ARRB1: variants seen among roughly 807,000 people sequenced by gnomAD.
ARRB1 encodes arrestin beta 1.
A neutral mutation model predicts 56.8 loss-of-function variants in ARRB1; 21 were observed. The ratio of observed to expected loss-of-function variants is 0.37; its 90% CI spans 0.26 to 0.53. The LOEUF (loss-of-function observed/expected upper bound fraction) is 0.53, where lower values mean the gene tolerates loss of function less well. ARRB1 is among the 20% of genes least tolerant of loss of function. ARRB1 has a pLI of 0.88. For missense variants in ARRB1, 424 were observed against 553.7 expected, an observed-to-expected ratio of 0.77 and a Z score of 2.35; for synonymous variants, 210 against 218.6, an observed-to-expected ratio of 0.96 and a Z score of 0.35.
intron 10 of ARRB1, chr11:75,275,032 T>G (rs964793515): frequency 1.5e-4 from 23 of 150,658 alleles, no homozygotes; most frequent in African/African-American, 5.6e-4. Flanking sequence ...GCCCAGGAGT[T>G]CGAGGCTGGC....
At chr11:75,320,153 A>G (rs1001525775) in intron 1 of ARRB1, among the ~76,000 whole-genome samples, 6 of 152,086 alleles carry the variant, frequency 3.9e-5, no homozygotes, top group African/African-American at 1.4e-4. Context: ...CCCATCCTGA[A>G]GGATTTGCCT....
chr11:75,343,108 G>T (rs1947715731), intron 1 of ARRB1, among the ~76,000 whole-genome samples: 1 of 152,178 alleles, frequency 6.6e-6, no homozygotes, highest in South Asian at 2.1e-4. Context: ...AGGTGCTGGG[G>T]ACAAGCAGAT....
chr11:75,272,837 G>A (rs1946100616), intron 12 of ARRB1, 58 bp downstream of exon 12: 9 of 1,573,264 alleles, frequency 5.7e-6, no homozygotes, highest in Non-Finnish European at 7.0e-6. Flanking sequence ...GGGGCCTGTG[G>A]GCACCTGGGA....
At chr11:75,344,314 C>T (rs1007550823) in intron 1 of ARRB1, among the ~76,000 whole-genome samples, 1 of 152,180 alleles carries the variant, frequency 6.6e-6, no homozygotes, top group East Asian at 1.9e-4. Flanking sequence ...AGACTTTGGC[C>T]GCCCAGAAGA....
intron 11 of ARRB1, 24 bp from the exon 12 acceptor site, chr11:75,273,002 A>C (rs1382446651): frequency 5.0e-6 from 8 of 1,611,020 alleles, no homozygotes; most frequent in Non-Finnish European, 5.1e-6. Context: ...CAGGGGAGCC[A>C]GTTCAGGGGC....
At position 75,340,242 on chromosome 11, in the gene ARRB1, C is replaced by A. The variant is rs184007242; in HGVS notation, c.20+11346G>T. ...GGCCTGTTTCCTCTAATGAGGCTTC[C>A]CCGCTTTGCAGCTCTGCTCCCAAGA... On this transcript the variant is annotated intron_variant, in intron 1 of 15. Coordinates refer to ENST00000420843, the MANE Select transcript of ARRB1 (RefSeq NM_004041.5). 7.2e-4 allele frequency among the ~76,000 whole-genome samples: 109 copies of A among 152,362 alleles called. 1 individual carries two copies. The highest frequency in any genetic ancestry group is 2.5e-3 in the African/African-American group (106 of 41,582).
At chr11:75,311,944 C>A in intron 1 of ARRB1, 1 of 970,558 alleles carries the variant, frequency 1.0e-6, no homozygotes. Flanking sequence ...AGGGGACGGC[C>A]GGCAGAGGAA....
intron 11 of ARRB1, among the ~76,000 whole-genome samples, chr11:75,273,392 G>T (rs912938992): frequency 2.6e-5 from 4 of 152,192 alleles, no homozygotes; most frequent in African/African-American, 9.7e-5. Context: ...GGACTTCTCC[G>T]CAGAGGTGGT....
chr11:75,277,505 A>G, intron 8 of ARRB1, 57 bp from the exon 9 acceptor site: 1 of 1,503,136 alleles, frequency 6.7e-7, no homozygotes, highest in Non-Finnish European at 9.3e-7. Flanking sequence ...TTCTAGGGAA[A>G]GGGGAGGGAG....
rs1945818202 is a variant in ARRB1, at chr11:75,262,519, G to A, written c.*3644C>T. On this transcript the variant is annotated 3_prime_UTR_variant, in exon 16 of 16. Transcript: ENST00000420843. ...GCAAGCGATGAAGACTGGTGGGGAG[G>A]GCTCCTCCTGCAGCAAACTTTCTGT... The A allele has an allele frequency of 6.6e-6, 1 of 152,198 alleles. No homozygotes were observed. Among genetic ancestry groups the A allele is most frequent in the Admixed American group, 6.5e-5 (1 of 15,286 alleles). 9.4% of individuals were successfully genotyped at this position (152,198 alleles called of 1,614,324 possible). A position where few individuals can be genotyped will look rare whatever the true frequency, so the allele number is the denominator to read the frequency against.
intron 1 of ARRB1, among the ~76,000 whole-genome samples, chr11:75,346,169 C>G (rs932096915): frequency 6.6e-6 from 1 of 152,114 alleles, no homozygotes; most frequent in South Asian, 2.1e-4. Flanking sequence ...TCTAGAACAC[C>G]TTACTCCTGC....
chr11:75,308,758 T>A (rs1947089168), intron 1 of ARRB1, among the ~76,000 whole-genome samples: 1 of 149,710 alleles, frequency 6.7e-6, no homozygotes, highest in African/African-American at 2.5e-5. Context: ...AAAAAAAAAA[T>A]AGCCCTACAG....
chr11:75,266,007 G>A lies in ARRB1; in HGVS notation c.*156C>T, dbSNP rs1945898287. 5.3e-5 allele frequency: 34 copies of A among 642,596 alleles called. No homozygotes were observed. In the South Asian group the frequency reaches 6.2e-4, roughly 12 times the overall value. 39.8% of individuals were successfully genotyped at this position (642,596 alleles called of 1,614,324 possible). A position where few individuals can be genotyped will look rare whatever the true frequency, so the allele number is the denominator to read the frequency against. On this transcript the variant is annotated 3_prime_UTR_variant, in exon 16 of 16. Coordinates refer to ENST00000420843, the MANE Select transcript of ARRB1 (RefSeq NM_004041.5). ...GTGGTGATGTGGGGCCAATCCTGAG[G>A]CCAGAGGTTCATCACCGTGATCTGG...
intron 13 of ARRB1, chr11:75,271,333 C>T: frequency 5.3e-6 from 1 of 187,268 alleles, no homozygotes; most frequent in Non-Finnish European, 1.1e-5. Flanking sequence ...CTCTCCTTAG[C>T]AACACTTGGC....
At chr11:75,278,857 C>T (rs1257114285) in intron 7 of ARRB1, 113 bp from the exon 8 acceptor site, 45 of 1,429,054 alleles carry the variant, frequency 3.1e-5, no homozygotes, top group Non-Finnish European at 4.2e-5. Flanking sequence ...TCTCCATCAC[C>T]TTAGAATCCA....
chr11:75,276,852 T>C lies in ARRB1; in HGVS notation c.763A>G (p.Met255Val). 1 of 1,614,092 alleles carries C rather than the reference T, an allele frequency of 6.2e-7. No individual in the cohort carries two copies. Among genetic ancestry groups the C allele is most frequent in the Non-Finnish European group, 8.5e-7 (1 of 1,179,962 alleles). Residue 255 changes from methionine (M) to valine (V), a missense_variant, in exon 10 of 16, where the codon ATG becomes GTG. Met to Val is a conservative substitution (Grantham distance 21, BLOSUM62 1). Coordinates refer to ENST00000420843, the MANE Select transcript of ARRB1 (RefSeq NM_004041.5). ...GTGCCCACTTACTCAGCCTCTTCCATGGCAACAGGGCACTTGTACTGAGCT... is the reference window on the plus strand; with the variant it reads ...GTGCCCACTTACTCAGCCTCTTCCACGGCAACAGGGCACTTGTACTGAGCT... ...NTAQYKCPVA[M>V]EEADDTVAPS...
chr11:75,314,931 A>G (rs1319924394), intron 1 of ARRB1, among the ~76,000 whole-genome samples: 1 of 152,148 alleles, frequency 6.6e-6, no homozygotes, highest in Non-Finnish European at 1.5e-5. Context: ...TCACTGATGC[A>G]TGTGGAGCAC....
intron 1 of ARRB1, among the ~76,000 whole-genome samples, chr11:75,341,014 C>A (rs1349655653): frequency 1.3e-5 from 2 of 151,980 alleles, no homozygotes; most frequent in Non-Finnish European, 2.9e-5. Context: ...CCCTGTGCCC[C>A]CACCCCCGCG....
rs376462324 is a variant in ARRB1, at chr11:75,266,123, A to C, written c.*40T>G. On this transcript the variant is annotated 3_prime_UTR_variant, in exon 16 of 16. Coordinates refer to ENST00000420843, the MANE Select transcript of ARRB1 (RefSeq NM_004041.5). ...AGACGAGTAAGCATCCGAGTGCACGAGAGTGGAGCCGGAGCCACGTGGAGG... is the reference window on the plus strand; with the variant it reads ...AGACGAGTAAGCATCCGAGTGCACGCGAGTGGAGCCGGAGCCACGTGGAGG... 2.0e-6 allele frequency: 3 copies of C among 1,490,182 alleles called. No homozygotes were observed. The highest frequency in any genetic ancestry group is 2.8e-6 in the Non-Finnish European group (3 of 1,067,240). 92.3% of individuals were successfully genotyped at this position (1,490,182 alleles called of 1,614,324 possible). A position where few individuals can be genotyped will look rare whatever the true frequency, so the allele number is the denominator to read the frequency against.
Sources: gnomAD v4.1 joint callset for allele counts (sites outside exome capture counted in the v4.1 genomes callset) on GRCh38, gnomAD v4.1.1 for gene constraint, MANE v1.5 for transcripts, NCBI Gene and HGNC (gene_info 2026-07-23, HGNC 2026-07-21) for gene names.